Variants in PDCD4 observed in about 807,000 individuals in gnomAD.
PDCD4 encodes programmed cell death 4, also known as programmed cell death protein 4.
A neutral mutation model predicts 54.0 loss-of-function variants in PDCD4; 56 were observed. The observed-to-expected ratio is 1.04, with a 90% CI of 0.84 to 1.30. The LOEUF (loss-of-function observed/expected upper bound fraction) is 1.30, where lower values mean the gene tolerates loss of function less well. Among genes scored for constraint, PDCD4 ranks in the 50% most tolerant of loss-of-function variants. The probability of loss-of-function intolerance (pLI) is 0.00; values close to 1 mark genes in which losing one functional copy is unlikely to be tolerated. For missense variants in PDCD4, 584 were observed against 559.8 expected, an observed-to-expected ratio of 1.04 and a Z score of -0.44; for synonymous variants, 186 against 194.8, an observed-to-expected ratio of 0.95 and a Z score of 0.37.
chr10:110,872,812 ATCT>A (rs917830085), intron 1 of PDCD4, among the ~76,000 whole-genome samples: 13 of 152,208 alleles, frequency 8.5e-5, no homozygotes, highest in African/African-American at 3.1e-4. Flanking sequence ...AACGCATGCC[ATCT>A]TCTCCATTTG....
intron 1 of PDCD4, among the ~76,000 whole-genome samples, chr10:110,873,992 A>G (rs1845464130): frequency 2.0e-5 from 3 of 152,212 alleles, no homozygotes; most frequent in Admixed American, 6.5e-5. Context: ...AGTCTGTTTT[A>G]AGAAGCTTCT....
chr10:110,898,050 G>C lies in PDCD4; in HGVS notation c.1372G>C (p.Glu458Gln). 1.3e-6 allele frequency: 2 copies of C among 1,589,804 alleles called. No homozygotes were observed. The highest frequency in any genetic ancestry group is 1.7e-6 in the Non-Finnish European group (2 of 1,166,248). Residue 458 changes from glutamate (E) to glutamine (Q), a missense_variant, in exon 12 of 12, where the codon GAA (glutamate) becomes CAA (glutamine). Physicochemically the swap from Glu to Gln is conservative, Grantham distance 29. Coordinates refer to ENST00000280154, the MANE Select transcript of PDCD4 (RefSeq NM_014456.5). ...PSRGRKRFVS[E>Q]GDGGRLKPES... ...CAGGGGCAGAAAGCGTTTTGTAAGC[G>C]AAGGAGATGGAGGTCGTCTTAAACC...
intron 7 of PDCD4, among the ~76,000 whole-genome samples, chr10:110,889,952 A>G (rs189631330): frequency 1.3e-5 from 2 of 152,358 alleles, no homozygotes; most frequent in East Asian, 1.9e-4. Context: ...AGCATTGTGT[A>G]ATAGTTTAAT....
intron 3 of PDCD4, 84 bp downstream of exon 3, chr10:110,881,619 T>C (rs1564681293): frequency 2.6e-6 from 3 of 1,132,794 alleles, no homozygotes; most frequent in East Asian, 2.4e-5. Context: ...TTCCTTGTTC[T>C]AGGAATGAGA....
At chr10:110,884,212 C>T (rs776990503) in intron 4 of PDCD4, among the ~76,000 whole-genome samples, 4 of 152,152 alleles carry the variant, frequency 2.6e-5, no homozygotes, top group African/African-American at 7.2e-5. Flanking sequence ...AGCGTGTATC[C>T]GCAATGTATA....
intron 8 of PDCD4, among the ~76,000 whole-genome samples, chr10:110,893,157 G>A (rs944303274): frequency 5.9e-5 from 9 of 151,836 alleles, no homozygotes; most frequent in Non-Finnish European, 7.4e-5. Context: ...CCTGTTAAAC[G>A]ATGCATGACT....
intron 10 of PDCD4, among the ~76,000 whole-genome samples, chr10:110,895,144 G>C (rs1047142691): frequency 6.6e-6 from 1 of 152,102 alleles, no homozygotes; most frequent in African/African-American, 2.4e-5. Context: ...GTGTGATGCT[G>C]AGGTTTGGGC....
At chr10:110,887,390 G>A (rs575642728) in intron 5 of PDCD4, among the ~76,000 whole-genome samples, 2 of 152,222 alleles carry the variant, frequency 1.3e-5, no homozygotes, top group African/African-American at 2.4e-5. Flanking sequence ...TATCTGTGTC[G>A]TGACCCATGA....
At position 110,894,212 on chromosome 10, in the gene PDCD4, G is replaced by A. The variant is rs1564685576; in HGVS notation, c.1098+14G>A. On this transcript the variant is annotated intron_variant, in intron 9 of 11. Transcript: ENST00000280154. Reference sequence around the variant, plus strand: ...CTTGTATATGAAGTAAGATTACCTTGCCATGTCAAAGATAATTATTAAGTG... The same window carrying A: ...CTTGTATATGAAGTAAGATTACCTTACCATGTCAAAGATAATTATTAAGTG... 1.4e-6 allele frequency: 2 copies of A among 1,390,082 alleles called. No individual in the cohort carries two copies. The highest frequency in any genetic ancestry group is 2.0e-6 in the Non-Finnish European group (2 of 976,404). 86.1% of individuals were successfully genotyped at this position (1,390,082 alleles called of 1,614,324 possible).
rs1192297207 is a variant in PDCD4, at chr10:110,896,087, G to T, written c.1349G>T (p.Arg450Met). 6.3e-7 allele frequency: 1 copy of T among 1,592,418 alleles called. No homozygotes were observed. The highest frequency in any genetic ancestry group is 2.3e-5 in the East Asian group (1 of 44,322). Residue 450 changes from arginine to methionine, a missense_variant and splice_region_variant, in exon 11 of 12, where the codon AGG becomes ATG. By Grantham distance (91) the Arg-to-Met change is moderately conservative (BLOSUM62 -1). Coordinates refer to ENST00000280154, the MANE Select transcript of PDCD4 (RefSeq NM_014456.5). ...CAACTCAGAGATCTTTGTCCTTCAA[G>T]GTACTTTATTTAAATACTACTTTCT... is the stretch of plus-strand genomic sequence containing the variant. ...SKQLRDLCPS[R>M]GRKRFVSEGD... is the part of the protein sequence containing the mutation.
intron 6 of PDCD4, 108 bp downstream of exon 6, chr10:110,887,994 C>G: frequency 3.1e-6 from 2 of 653,178 alleles, no homozygotes; most frequent in Non-Finnish European, 5.3e-6. Flanking sequence ...GGATGGCCAA[C>G]ATTTCCTACG....
chr10:110,876,712 T>C (rs1845511186), intron 2 of PDCD4: 3 of 1,311,758 alleles, frequency 2.3e-6, no homozygotes, highest in Non-Finnish European at 3.0e-6. Flanking sequence ...TAGCATGTTA[T>C]TATCATAAAA....
chr10:110,895,154 C>T (rs1261051044), intron 10 of PDCD4, among the ~76,000 whole-genome samples: 6 of 151,886 alleles, frequency 4.0e-5, no homozygotes, highest in Non-Finnish European at 8.8e-5. Context: ...GAGGTTTGGG[C>T]TTCTAATTAA....
chr10:110,877,203 G>A (rs895923629), intron 2 of PDCD4, among the ~76,000 whole-genome samples: 55 of 152,172 alleles, frequency 3.6e-4, no homozygotes, highest in African/African-American at 1.3e-3. Flanking sequence ...AGATGGGGAT[G>A]GTAATACAGT....
Position 110,891,396 on chromosome 10 carries a change from G to T in PDCD4, c.990+726G>T, listed in dbSNP as rs1404444108. ...CACTCCAGCATGGGTGACAGAGCAA[G>T]ACTCTGTCTCAAAAAAAAAAAAAAA... On this transcript the variant is annotated intron_variant, in intron 8 of 11. Transcript: ENST00000280154. 1.8e-4 allele frequency among the ~76,000 whole-genome samples: 18 copies of T among 100,458 alleles called. No individual in the cohort carries two copies. In the Admixed American group the frequency reaches 2.6e-3, roughly 14 times the overall value. 65.9% of individuals were successfully genotyped at this position (100,458 alleles called of 152,430 possible). A position where few individuals can be genotyped will look rare whatever the true frequency, so the allele number is the denominator to read the frequency against.
At chr10:110,873,979 A>G (rs998224694) in intron 1 of PDCD4, among the ~76,000 whole-genome samples, 1 of 152,246 alleles carries the variant, frequency 6.6e-6, no homozygotes, top group African/African-American at 2.4e-5. Flanking sequence ...TTTGAACAGC[A>G]GAAGTCTGTT....
chr10:110,884,616 T>A (rs939702038), intron 4 of PDCD4, among the ~76,000 whole-genome samples: 1 of 152,050 alleles, frequency 6.6e-6, no homozygotes, highest in Non-Finnish European at 1.5e-5. Flanking sequence ...TCATGAAACT[T>A]TTTGATTACT....
At chr10:110,896,421 T>G (rs770327511) in intron 11 of PDCD4, among the ~76,000 whole-genome samples, 5 of 152,190 alleles carry the variant, frequency 3.3e-5, no homozygotes, top group African/African-American at 4.8e-5. Context: ...GTCACATGGC[T>G]AGTACATGGT....
chr10:110,889,429 G>A, intron 6 of PDCD4, 104 bp from the exon 7 acceptor site: 1 of 735,496 alleles, frequency 1.4e-6, no homozygotes, highest in East Asian at 2.5e-5. Context: ...TTTAGGTACT[G>A]ACTGTGTACT....
Sources: allele counts gnomAD v4.1 joint callset (sites outside exome capture counted in the v4.1 genomes callset), GRCh38; gene constraint gnomAD v4.1.1; transcripts MANE v1.5; gene names NCBI Gene and HGNC (gene_info 2026-07-23, HGNC 2026-07-21).